LRRC7: variants seen among roughly 807,000 people sequenced by gnomAD.
The protein encoded by LRRC7 is leucine rich repeat containing 7.
Under a neutral mutation model 175.7 loss-of-function variants are expected in LRRC7, and 23 were observed. The ratio of observed to expected loss-of-function variants is 0.13; its 90% CI spans 0.09 to 0.19. LRRC7 has a LOEUF of 0.19. LRRC7 is among the 10% of genes least tolerant of loss of function. The pLI is 1.00. For missense variants in LRRC7, 1,354 were observed against 1,904.7 expected (o/e 0.71, Z 5.38); for synonymous variants, 685 against 680.9 (o/e 1.01, Z -0.09).
intron 22 of LRRC7, 145 bp downstream of exon 22, chr1:70,044,239 C>G: frequency 1.5e-6 from 1 of 682,650 alleles, no homozygotes; most frequent in Non-Finnish European, 2.3e-6. Context: ...TAATGTAGAG[C>G]CTGAACTCTT....
chr1:69,589,989 T>C (rs1212288817), intron 1 of LRRC7, among the ~76,000 whole-genome samples: 1 of 152,204 alleles, frequency 6.6e-6, no homozygotes, highest in Non-Finnish European at 1.5e-5. Context: ...GCCTGAGCAA[T>C]AGCTTCTTTG....
At chr1:69,665,373 A>T (rs920123948) in intron 1 of LRRC7, among the ~76,000 whole-genome samples, 3 of 152,102 alleles carry the variant, frequency 2.0e-5, no homozygotes, top group African/African-American at 7.2e-5. Context: ...GGATTGCCTT[A>T]AATTTGTAGA....
intron 1 of LRRC7, among the ~76,000 whole-genome samples, chr1:69,662,198 G>T (rs1657569252): frequency 6.6e-6 from 1 of 152,112 alleles, no homozygotes; most frequent in African/African-American, 2.4e-5. Flanking sequence ...ATGTAAAGAT[G>T]CTCTATAACC....
intron 8 of LRRC7, among the ~76,000 whole-genome samples, chr1:69,951,006 C>G (rs1649853930): frequency 6.6e-6 from 1 of 150,508 alleles, no homozygotes. Flanking sequence ...AGAGAGTAAA[C>G]AAACACAGAG....
intron 2 of LRRC7, among the ~76,000 whole-genome samples, chr1:69,679,101 A>C (rs1343890118): frequency 6.6e-6 from 1 of 152,094 alleles, no homozygotes; most frequent in African/African-American, 2.4e-5. Flanking sequence ...GATTATATTT[A>C]TTTATTATCT....
chr1:69,594,112 A>G (rs559361993), intron 1 of LRRC7, among the ~76,000 whole-genome samples: 60 of 152,332 alleles, frequency 3.9e-4, no homozygotes, highest in African/African-American at 1.3e-3. Context: ...GGAGTTATTA[A>G]AATATTAATT....
chr1:69,828,157 A>G (rs558074080), intron 5 of LRRC7, among the ~76,000 whole-genome samples: 1 of 152,118 alleles, frequency 6.6e-6, no homozygotes, highest in African/African-American at 2.4e-5. Flanking sequence ...CTATAACATT[A>G]TTTGTTTATC....
At chr1:69,826,302 A>G (rs1470459684) in intron 5 of LRRC7, among the ~76,000 whole-genome samples, 1 of 152,154 alleles carries the variant, frequency 6.6e-6, no homozygotes, top group Non-Finnish European at 1.5e-5. Flanking sequence ...GAACAAAGAG[A>G]TAACCCTAGG....
At chr1:69,861,856 C>T (rs1684394151) in intron 7 of LRRC7, among the ~76,000 whole-genome samples, 1 of 152,188 alleles carries the variant, frequency 6.6e-6, no homozygotes, top group African/African-American at 2.4e-5. Flanking sequence ...GCAGTTCAAA[C>T]AGAGACAAGT....
chr1:69,998,446 A>C (rs1427719376), intron 11 of LRRC7, among the ~76,000 whole-genome samples: 2 of 152,124 alleles, frequency 1.3e-5, no homozygotes, highest in East Asian at 1.9e-4. Flanking sequence ...TGCCCTCACT[A>C]TACAGTGTGT....
chr1:69,654,072 G>A (rs1375788257), intron 1 of LRRC7, among the ~76,000 whole-genome samples: 4 of 151,296 alleles, frequency 2.6e-5, no homozygotes, highest in South Asian at 4.2e-4. Flanking sequence ...ATCCTGTAAT[G>A]TACACTTAAA....
chr1:69,898,192 G>A (rs772421638), intron 7 of LRRC7, among the ~76,000 whole-genome samples: 8 of 152,132 alleles, frequency 5.3e-5, no homozygotes, highest in Non-Finnish European at 8.8e-5. Flanking sequence ...TACATAGACA[G>A]AAAATAAGGA....
intron 25 of LRRC7, among the ~76,000 whole-genome samples, chr1:70,099,567 A>G (rs1036412788): frequency 2.6e-5 from 4 of 152,182 alleles, no homozygotes; most frequent in Non-Finnish European, 5.9e-5. Context: ...GTATATCTTG[A>G]ATTTTTCACT....
intron 7 of LRRC7, among the ~76,000 whole-genome samples, chr1:69,918,423 A>G (rs958294589): frequency 2.0e-5 from 3 of 152,214 alleles, no homozygotes; most frequent in Non-Finnish European, 1.5e-5. Flanking sequence ...AGAAAATCTT[A>G]CTTGTTTGTA....
intron 9 of LRRC7, among the ~76,000 whole-genome samples, chr1:69,982,472 AT>A (rs1367856790): frequency 6.6e-6 from 1 of 152,228 alleles, no homozygotes; most frequent in Non-Finnish European, 1.5e-5. Context: ...TAATTAAAAC[AT>A]TTAATATCAT....
intron 16 of LRRC7, among the ~76,000 whole-genome samples, chr1:70,021,840 A>T (rs964516956): frequency 5.3e-5 from 8 of 152,146 alleles, no homozygotes; most frequent in Non-Finnish European, 7.4e-5. Context: ...TCAACATCAC[A>T]TTTTCATGTT....
intron 1 of LRRC7, among the ~76,000 whole-genome samples, chr1:69,643,506 T>C (rs1442145191): frequency 6.6e-6 from 1 of 152,146 alleles, no homozygotes; most frequent in Non-Finnish European, 1.5e-5. Flanking sequence ...TCCTCCAGCC[T>C]CCTTCAGCTG....
chr1:69,915,082 T>C (rs903361619), intron 7 of LRRC7, among the ~76,000 whole-genome samples: 4 of 152,192 alleles, frequency 2.6e-5, no homozygotes, highest in African/African-American at 9.7e-5. Context: ...CTGTGTGATA[T>C]GGAGCAAGTC....
At chr1:70,108,086 A>G (rs968761526) in intron 26 of LRRC7, among the ~76,000 whole-genome samples, 12 of 149,810 alleles carry the variant, frequency 8.0e-5, no homozygotes, top group South Asian at 2.1e-4. Flanking sequence ...ATTACTTGAT[A>G]ATATAAGAAA....
Sources: gnomAD v4.1 joint callset for allele counts (sites outside exome capture counted in the v4.1 genomes callset) on GRCh38, gnomAD v4.1.1 for gene constraint, MANE v1.5 for transcripts, NCBI Gene and HGNC (gene_info 2026-07-23, HGNC 2026-07-21) for gene names.